Variants in CTNNA2 observed in about 807,000 individuals in gnomAD.
CTNNA2 encodes the protein catenin alpha-2.
Under a neutral mutation model 101.0 loss-of-function variants are expected in CTNNA2, and 42 were observed. The observed-to-expected ratio is 0.42, with a 90% CI of 0.32 to 0.54. The LOEUF (loss-of-function observed/expected upper bound fraction) is 0.54, where lower values mean the gene tolerates loss of function less well. Among genes scored for constraint, CTNNA2 ranks in the 20% least tolerant of loss-of-function variants. The probability of loss-of-function intolerance (pLI) is 0.14; values close to 1 mark genes in which losing one functional copy is unlikely to be tolerated. For missense variants in CTNNA2, 871 were observed against 1,223.1 expected (o/e 0.71, Z 4.29); for synonymous variants, 450 against 456.4 (o/e 0.99, Z 0.18).
intron 3 of CTNNA2, among the ~76,000 whole-genome samples, chr2:79,803,676 A>G (rs1401983898): frequency 6.6e-6 from 1 of 152,164 alleles, no homozygotes; most frequent in Non-Finnish European, 1.5e-5. Flanking sequence ...TGCTGCAGAG[A>G]TTTTTGTTTA....
At chr2:79,701,027 T>C (rs954690424) in intron 2 of CTNNA2, among the ~76,000 whole-genome samples, 6 of 152,144 alleles carry the variant, frequency 3.9e-5, no homozygotes, top group Non-Finnish European at 7.3e-5. Flanking sequence ...ATAAATGTAT[T>C]GATGAAAAAC....
rs1438087490 is a variant in CTNNA2, at chr2:79,751,596, A to G, written c.298+7014A>G. On this transcript the variant is annotated intron_variant, in intron 3 of 18. Transcript: ENST00000402739. ...GGGTGATGGAGAGACTCCATCTCAA[A>G]AAAAAAAAAAAAAAAAAAAGAAAGA... Among the ~76,000 whole-genome samples, 12 of 65,372 alleles carry G rather than the reference A, an allele frequency of 1.8e-4. No individual in the cohort carries two copies. The Admixed American group carries it at 1.9e-3, about 10-fold the overall frequency. The allele number at this position is 65,372 out of a possible 152,430, so 42.9% of individuals were successfully genotyped here.
rs189290640 is a variant in CTNNA2 at position 79,693,520 on chromosome 2, A to T, written c.102+41862A>T. Among the ~76,000 whole-genome samples, 358 of 152,072 alleles carry T rather than the reference A, an allele frequency of 2.4e-3. 6 individuals carry two copies. The highest frequency in any genetic ancestry group is 4.4e-4 in the Non-Finnish European group (30 of 67,920). ...AGTGAATACAGTATGTTTTTGTACT[A>T]ATGGGAATAATTCAGAAGAGAGAAA... On this transcript the variant is annotated intron_variant, in intron 2 of 18. Transcript: ENST00000402739.
chr2:80,134,256 C>A (rs973090878), intron 7 of CTNNA2, among the ~76,000 whole-genome samples: 2 of 151,978 alleles, frequency 1.3e-5, no homozygotes, highest in African/African-American at 4.8e-5. Context: ...AAACACAGAG[C>A]AAGAAGGAGG....
At chr2:79,779,260 G>C (rs1160569842) in intron 3 of CTNNA2, among the ~76,000 whole-genome samples, 1 of 152,108 alleles carries the variant, frequency 6.6e-6, no homozygotes, top group African/African-American at 2.4e-5. Flanking sequence ...GCCAACGATA[G>C]ATTGAAGCCT....
chr2:80,475,388 G>A (rs1025276496), intron 9 of CTNNA2, among the ~76,000 whole-genome samples: 1 of 152,068 alleles, frequency 6.6e-6, no homozygotes, highest in Non-Finnish European at 1.5e-5. Flanking sequence ...GAAGTTGAGA[G>A]GTGGTGCAAA....
At chr2:80,526,888 A>C (rs1287793151) in intron 9 of CTNNA2, among the ~76,000 whole-genome samples, 3 of 152,208 alleles carry the variant, frequency 2.0e-5, no homozygotes, top group Non-Finnish European at 4.4e-5. Flanking sequence ...TTCTCTAAGA[A>C]TCCTGCAAGA....
chr2:79,991,392 C>A (rs1256343711), intron 7 of CTNNA2, among the ~76,000 whole-genome samples: 1 of 152,190 alleles, frequency 6.6e-6, no homozygotes, highest in Middle Eastern at 3.4e-3. Flanking sequence ...TTTACTACTT[C>A]ACATAATTTT....
chr2:80,031,498 T>C (rs2104195322), intron 7 of CTNNA2, among the ~76,000 whole-genome samples: 1 of 152,218 alleles, frequency 6.6e-6, no homozygotes, highest in African/African-American at 2.4e-5. Context: ...AAGAATCAAA[T>C]CTTGTGAGAC....
intron 2 of CTNNA2, among the ~76,000 whole-genome samples, chr2:79,293,503 T>C (rs1675885246): frequency 6.6e-6 from 1 of 152,112 alleles, no homozygotes; most frequent in South Asian, 2.1e-4. Flanking sequence ...AAGGCAAATA[T>C]AGTGCAAATC....
At chr2:79,949,106 T>G (rs905998169) in intron 7 of CTNNA2, among the ~76,000 whole-genome samples, 1 of 152,150 alleles carries the variant, frequency 6.6e-6, no homozygotes, top group Non-Finnish European at 1.5e-5. Flanking sequence ...AAGAAAGATA[T>G]TATATAAACT....
At chr2:79,833,352 C>G (rs1471302654) in intron 3 of CTNNA2, among the ~76,000 whole-genome samples, 1 of 152,118 alleles carries the variant, frequency 6.6e-6, no homozygotes, top group Non-Finnish European at 1.5e-5. Flanking sequence ...GAACTCAATG[C>G]CTTTTTTTTC....
At chr2:79,361,703 G>A (rs1388978181) in intron 3 of CTNNA2, among the ~76,000 whole-genome samples, 1 of 152,154 alleles carries the variant, frequency 6.6e-6, no homozygotes, top group African/African-American at 2.4e-5. Context: ...TAGGCCATTT[G>A]CAAGTTGAGG....
chr2:80,517,619 G>T (rs186375542), intron 9 of CTNNA2, among the ~76,000 whole-genome samples: 185 of 152,326 alleles, frequency 1.2e-3, no homozygotes, highest in Middle Eastern at 3.4e-3. Context: ...ATTCCTAGGG[G>T]ATGGGTGATG....
intron 7 of CTNNA2, among the ~76,000 whole-genome samples, chr2:80,227,514 G>C (rs539036521): frequency 1.3e-5 from 2 of 152,174 alleles, no homozygotes; most frequent in Non-Finnish European, 2.9e-5. Flanking sequence ...CCATCTATTT[G>C]ATAATTATCC....
At chr2:79,190,083 A>C (rs552595351) in intron 1 of CTNNA2, among the ~76,000 whole-genome samples, 1 of 152,278 alleles carries the variant, frequency 6.6e-6, no homozygotes, top group Non-Finnish European at 1.5e-5. Context: ...AAATTTATTT[A>C]GTTCAAAATG....
intron 3 of CTNNA2, among the ~76,000 whole-genome samples, chr2:79,826,866 G>A (rs770554326): frequency 2.6e-5 from 4 of 152,134 alleles, no homozygotes; most frequent in Non-Finnish European, 4.4e-5. Flanking sequence ...AATGAAAGAA[G>A]ATAATCGGAT....
chr2:79,552,518 G>T (rs1180462768), intron 1 of CTNNA2, among the ~76,000 whole-genome samples: 1 of 152,116 alleles, frequency 6.6e-6, no homozygotes, highest in Non-Finnish European at 1.5e-5. Flanking sequence ...CTGTGTAGGG[G>T]CTCCAGCCCC....
At chr2:80,545,471 A>G (rs1338392095) in intron 10 of CTNNA2, among the ~76,000 whole-genome samples, 1 of 152,162 alleles carries the variant, frequency 6.6e-6, no homozygotes, top group African/African-American at 2.4e-5. Context: ...GCTGGGGCTC[A>G]GGAGTTCGAG....
Sources: gnomAD v4.1 joint callset for allele counts (sites outside exome capture counted in the v4.1 genomes callset) on GRCh38, gnomAD v4.1.1 for gene constraint, MANE v1.5 for transcripts, NCBI Gene and HGNC (gene_info 2026-07-23, HGNC 2026-07-21) for gene names.